The following SLC35D2 variants were observed in gnomAD, a reference collection of about 807,000 sequenced individuals.
The protein encoded by SLC35D2 is nucleotide sugar transporter SLC35D2.
SLC35D2 carries 43 observed loss-of-function variants against 41.8 expected under a neutral mutation model. The ratio of observed to expected loss-of-function variants is 1.03; its 90% CI spans 0.81 to 1.33. The LOEUF (loss-of-function observed/expected upper bound fraction) is 1.33, where lower values mean the gene tolerates loss of function less well. Ranked by LOEUF, SLC35D2 falls within the 40% of genes most tolerant of loss-of-function variation. The pLI is 0.00. For missense variants in SLC35D2, 380 were observed against 408.4 expected (o/e 0.93, Z 0.60); for synonymous variants, 150 against 163.9 (o/e 0.92, Z 0.65).
chr9:96,365,123 G>A (rs1328234515), intron 2 of SLC35D2, among the ~76,000 whole-genome samples: 1 of 151,760 alleles, frequency 6.6e-6, no homozygotes, highest in Non-Finnish European at 1.5e-5. Flanking sequence ...GGAAGCTGAG[G>A]TGGGAAGATC....
intron 3 of SLC35D2, among the ~76,000 whole-genome samples, chr9:96,360,554 G>T (rs549268529): frequency 6.8e-6 from 1 of 147,592 alleles, no homozygotes. Flanking sequence ...ACTTGAACCC[G>T]GCGGGCAGAG....
chr9:96,350,107 A>G (rs140600411), intron 6 of SLC35D2, among the ~76,000 whole-genome samples: 1 of 152,216 alleles, frequency 6.6e-6, no homozygotes, highest in African/African-American at 2.4e-5. Flanking sequence ...AAAGGTACAG[A>G]TGACACGTAA....
chr9:96,358,078 T>TAATATATA (rs1491320526), intron 4 of SLC35D2, among the ~76,000 whole-genome samples: 19 of 79,244 alleles, frequency 2.4e-4, no homozygotes, highest in South Asian at 1.0e-3. Flanking sequence ...ATATTATATA[T>TAATATATA]TTTATATATA....
In SLC35D2 at chr9:96,358,080, T is replaced by TTATATATATATATATATATA. The variant is rs34633441; in HGVS notation, c.347+2054_347+2073dup. On this transcript the variant is annotated intron_variant, in intron 4 of 11. Transcript: ENST00000253270. ...ATGGATAAACAAAATATTATATATT[T>TTATATATATATATATATATA]TATATATATATATATATATATATAT... Among the ~76,000 whole-genome samples the TTATATATATATATATATATA allele has an allele frequency of 4.0e-3, 488 of 122,550 alleles. 35 individuals are homozygous for TTATATATATATATATATATA. The highest frequency in any genetic ancestry group is 0.018 in the African/African-American group (459 of 25,486). 80.4% of individuals were successfully genotyped at this position (122,550 alleles called of 152,430 possible). A position where few individuals can be genotyped will look rare whatever the true frequency, so the allele number is the denominator to read the frequency against.
At chr9:96,352,009 C>G in intron 5 of SLC35D2, 29 bp downstream of exon 5, 1 of 1,509,732 alleles carries the variant, frequency 6.6e-7, no homozygotes, top group African/African-American at 1.4e-5. Flanking sequence ...GGGAGGCACA[C>G]TGGAAGAATG....
At chr9:96,371,474 C>CAAAAAAAAAAAAAAAAAAAAA (rs539576375) in intron 1 of SLC35D2, among the ~76,000 whole-genome samples, 21 of 46,648 alleles carry the variant, frequency 4.5e-4, no homozygotes, top group East Asian at 3.6e-3. Flanking sequence ...GACTCTGTCT[C>CAAAAAAAAAAAAAAAAAAAAA]AAAAAAAAAA....
intron 8 of SLC35D2, among the ~76,000 whole-genome samples, chr9:96,341,523 T>C (rs1025188595): frequency 3.3e-5 from 5 of 152,204 alleles, no homozygotes; most frequent in East Asian, 3.8e-4. Context: ...GCCTATACGA[T>C]AGAAATAGTA....
At chr9:96,334,165 G>C (rs997720000) in intron 9 of SLC35D2, among the ~76,000 whole-genome samples, 1 of 152,284 alleles carries the variant, frequency 6.6e-6, no homozygotes, top group South Asian at 2.1e-4. Flanking sequence ...TGAATGGGGA[G>C]GAAGTTTGGC....
intron 5 of SLC35D2, 62 bp from the exon 6 acceptor site, chr9:96,351,233 T>C: frequency 2.5e-6 from 3 of 1,184,630 alleles, no homozygotes; most frequent in Non-Finnish European, 3.7e-6. Flanking sequence ...GAAATATGAT[T>C]ATATTTTTTA....
At chr9:96,369,325 C>T (rs113209171) in intron 1 of SLC35D2, among the ~76,000 whole-genome samples, 107 of 152,200 alleles carry the variant, frequency 7.0e-4, no homozygotes, top group Non-Finnish European at 1.1e-3. Context: ...TGGAAACTTG[C>T]TATTGTAGTG....
chr9:96,346,686 G>A (rs1829588918), intron 6 of SLC35D2, among the ~76,000 whole-genome samples: 1 of 152,134 alleles, frequency 6.6e-6, no homozygotes, highest in Non-Finnish European at 1.5e-5. Context: ...ATGAAACACA[G>A]AGCAAAAATT....
chr9:96,373,177 G>A (rs2131021641), intron 1 of SLC35D2, among the ~76,000 whole-genome samples: 1 of 152,170 alleles, frequency 6.6e-6, no homozygotes, highest in South Asian at 2.1e-4. Flanking sequence ...GAAATTACAG[G>A]CATGAGCCAT....
In SLC35D2 at chr9:96,321,284, T is replaced by C; in HGVS notation, c.972A>G (p.Lys324=). ...AACAGATGTTTTCTTCACCCACAGG[T>C]TTAGGTTTTAACTGGCTGCTCAGTG... is the stretch of plus-strand genomic sequence containing the variant. ...FLTLSSQLKP[K]PVGEENICLD... The change falls in exon 12 of 12, where the codon AAA becomes AAG. Residue 324 remains lysine (K), a synonymous_variant. Coordinates refer to ENST00000253270, the MANE Select transcript of SLC35D2 (RefSeq NM_007001.3). 1 of 1,613,946 alleles carries C rather than the reference T, an allele frequency of 6.2e-7. No homozygotes were observed. Among genetic ancestry groups the C allele is most frequent in the Non-Finnish European group, 8.5e-7 (1 of 1,179,910 alleles).
chr9:96,352,166 C>A, intron 4 of SLC35D2, 57 bp from the exon 5 acceptor site: 1 of 1,167,752 alleles, frequency 8.6e-7, no homozygotes, highest in Non-Finnish European at 1.3e-6. Context: ...TTGGTTTTAT[C>A]TTTTACATGT....
At chr9:96,322,726 T>TTTTTTG (rs1157495924) in intron 10 of SLC35D2, among the ~76,000 whole-genome samples, 3 of 143,682 alleles carry the variant, frequency 2.1e-5, no homozygotes, top group African/African-American at 8.0e-5. Flanking sequence ...GGTTTTTTTT[T>TTTTTTG]TTTTTTTTTT....
At chr9:96,347,080 G>A (rs762326817) in intron 6 of SLC35D2, among the ~76,000 whole-genome samples, 1 of 152,220 alleles carries the variant, frequency 6.6e-6, no homozygotes, top group Non-Finnish European at 1.5e-5. Flanking sequence ...AGGTTGTGGT[G>A]AGCCAAGATC....
At chr9:96,355,907 T>C (rs2130952846) in intron 4 of SLC35D2, among the ~76,000 whole-genome samples, 1 of 152,380 alleles carries the variant, frequency 6.6e-6, no homozygotes, top group South Asian at 2.1e-4. Flanking sequence ...CCTTATGTTA[T>C]TAAAAATACT....
At chr9:96,316,071 C>A (rs1828045923), downstream of SLC35D2, among the ~76,000 whole-genome samples, 1 of 152,140 alleles carries the variant, frequency 6.6e-6, no homozygotes, top group African/African-American at 2.4e-5. Context: ...TGTGGTTTCT[C>A]CTACATTCAA....
chr9:96,328,472 A>C (rs1381618435), intron 9 of SLC35D2, among the ~76,000 whole-genome samples: 2 of 152,218 alleles, frequency 1.3e-5, no homozygotes, highest in Non-Finnish European at 2.9e-5. Context: ...ATAACAGCAC[A>C]TACATCTGAT....
Sources: gnomAD v4.1 joint callset for allele counts (sites outside exome capture counted in the v4.1 genomes callset) on GRCh38, gnomAD v4.1.1 for gene constraint, MANE v1.5 for transcripts, NCBI Gene and HGNC (gene_info 2026-07-23, HGNC 2026-07-21) for gene names.